PTGES3L: variants seen among roughly 807,000 people sequenced by gnomAD.
PTGES3L encodes the protein putative protein PTGES3L.
In PTGES3L, 17 loss-of-function variants were observed where a neutral mutation model predicts 25.0. That is an observed-to-expected ratio of 0.68 (90% confidence interval 0.47 to 1.02). The LOEUF (loss-of-function observed/expected upper bound fraction) is 1.02. Ranked by LOEUF, PTGES3L falls within the 50% of genes least tolerant of loss-of-function variation. PTGES3L has a pLI of 0.00. For synonymous variants in PTGES3L, 59 were observed against 65.7 expected (o/e 0.90, Z 0.50); for missense variants, 202 against 197.5 (o/e 1.02, Z -0.14).
intron 6 of PTGES3L, 139 bp from the exon 7 acceptor site, chr17:42,969,325 T>C: frequency 2.0e-6 from 1 of 489,640 alleles, no homozygotes; most frequent in Non-Finnish European, 3.7e-6. Flanking sequence ...CTTAGGGGGC[T>C]AATATGAAAG....
At chr17:42,974,853 G>C (rs2049926503) in intron 4 of PTGES3L, among the ~76,000 whole-genome samples, 2 of 151,618 alleles carry the variant, frequency 1.3e-5, no homozygotes, top group South Asian at 4.2e-4. Context: ...AAAATGTTCT[G>C]GCCGGGCGCA....
intron 5 of PTGES3L, among the ~76,000 whole-genome samples, chr17:42,971,305 C>CACACAG (rs1164505659): frequency 6.6e-6 from 1 of 151,724 alleles, no homozygotes; most frequent in African/African-American, 2.4e-5. Flanking sequence ...CACACACACA[C>CACACAG]AGAAAACAGT....
At chr17:42,978,896 A>T (rs925012854) in intron 4 of PTGES3L, among the ~76,000 whole-genome samples, 1 of 152,156 alleles carries the variant, frequency 6.6e-6, no homozygotes, top group African/African-American at 2.4e-5. Flanking sequence ...GCTACCCAGG[A>T]GGCTGAGGCA....
intron 5 of PTGES3L, among the ~76,000 whole-genome samples, chr17:42,971,221 C>T (rs1301655171): frequency 2.6e-5 from 4 of 151,584 alleles, no homozygotes; most frequent in Non-Finnish European, 5.9e-5. Flanking sequence ...TGCTTGAACC[C>T]AGAGGCAGAG....
At position 42,968,881 on chromosome 17, in the gene PTGES3L, A is replaced by G. The variant is rs2049778840; in HGVS notation, c.*267T>C. 1 of 434,310 alleles carries G rather than the reference A, an allele frequency of 2.3e-6. No homozygotes were observed. The highest frequency in any genetic ancestry group is 4.1e-6 in the Non-Finnish European group (1 of 242,494). 26.9% of individuals were successfully genotyped at this position (434,310 alleles called of 1,614,324 possible). A position where few individuals can be genotyped will look rare whatever the true frequency, so the allele number is the denominator to read the frequency against. Reference sequence around the variant, plus strand: ...ACTCAAATAATCAAGTGGCCTAAACACAGAGATTAGAAACCAATCAGTAAG... The same window carrying G: ...ACTCAAATAATCAAGTGGCCTAAACGCAGAGATTAGAAACCAATCAGTAAG... On this transcript the variant is annotated 3_prime_UTR_variant, in exon 7 of 7. Coordinates refer to ENST00000591916, the MANE Select transcript of PTGES3L (RefSeq NM_001261430.2).
chr17:42,977,080 C>T (rs915861220), intron 4 of PTGES3L, among the ~76,000 whole-genome samples: 1 of 152,058 alleles, frequency 6.6e-6, no homozygotes, highest in African/African-American at 2.4e-5. Context: ...CACCTGAGGT[C>T]TGAAGTTCGA....
chr17:42,974,317 G>A (rs1364153674), intron 4 of PTGES3L, among the ~76,000 whole-genome samples: 5 of 145,934 alleles, frequency 3.4e-5, no homozygotes, highest in African/African-American at 1.3e-4. Context: ...CTGAGATCGC[G>A]CCACTGCACC....
rs773519974 is a variant in PTGES3L at position 42,979,570 on chromosome 17, C to CTCA, written c.99_101dup (p.Ile33_Glu34insAsp). On this transcript the variant is annotated inframe_insertion, in exon 2 of 7. Coordinates refer to ENST00000591916, the MANE Select transcript of PTGES3L (RefSeq NM_001261430.2). The stretch of plus-strand genomic sequence containing the variant: ...ACTACCTGAACACAATGCGGTGATC[C>CTCA]TCAATAAGCACGTGGACATCGGTGC... 1 of 1,614,144 alleles carries CTCA rather than the reference C, an allele frequency of 6.2e-7. No individual in the cohort carries two copies. Among genetic ancestry groups the CTCA allele is most frequent in the Non-Finnish European group, 8.5e-7 (1 of 1,180,022 alleles).
chr17:42,979,691 T>C, intron 1 of PTGES3L, 28 bp from the exon 2 acceptor site: 4 of 1,608,280 alleles, frequency 2.5e-6, no homozygotes, highest in Non-Finnish European at 3.4e-6. Flanking sequence ...TGTGGCTTCA[T>C]AGGGGTGGGA....
rs2049775002 is a variant in PTGES3L at position 42,968,624 on chromosome 17, C to T, written c.*524G>A. ...GATGACAGAATTAGCTGTAAGAAATCAGAGCACAAATCTGGGCAAGAGGAA... is the reference window on the plus strand; with the variant it reads ...GATGACAGAATTAGCTGTAAGAAATTAGAGCACAAATCTGGGCAAGAGGAA... On this transcript the variant is annotated 3_prime_UTR_variant, in exon 7 of 7. Coordinates refer to ENST00000591916, the MANE Select transcript of PTGES3L (RefSeq NM_001261430.2). 1 of 152,108 alleles carries T rather than the reference C, an allele frequency of 6.6e-6. No individual in the cohort carries two copies. Among genetic ancestry groups the T allele is most frequent in the Admixed American group, 6.6e-5 (1 of 15,224 alleles). The allele number at this position is 152,108 out of a possible 1,614,324, so 9.4% of individuals were successfully genotyped here.
rs142915398 is a variant in PTGES3L, at chr17:42,971,037, G to A, written c.378+570C>T. 3.2e-3 allele frequency among the ~76,000 whole-genome samples: 479 copies of A among 151,532 alleles called. 1 individual carries two copies. The highest frequency in any genetic ancestry group is 5.4e-3 in the Non-Finnish European group (368 of 67,890). Reference sequence around the variant, plus strand: ...ACACAGGCCAGGCATGGTGACTTACGCCTGTAATCCCACCACTTGGGAGGG... The same window carrying A: ...ACACAGGCCAGGCATGGTGACTTACACCTGTAATCCCACCACTTGGGAGGG... On this transcript the variant is annotated intron_variant, in intron 5 of 6. Coordinates refer to ENST00000591916, the MANE Select transcript of PTGES3L (RefSeq NM_001261430.2).
intron 4 of PTGES3L, among the ~76,000 whole-genome samples, chr17:42,973,670 G>T (rs1168316315): frequency 6.7e-6 from 1 of 148,682 alleles, no homozygotes; most frequent in Non-Finnish European, 1.5e-5. Context: ...TCTGCCTTGG[G>T]ATCCTGTTGA....
chr17:42,973,436 G>A (rs62076386), intron 4 of PTGES3L, among the ~76,000 whole-genome samples: 106,054 of 122,840 alleles, frequency 0.86, 45,716 homozygotes, highest in East Asian at 0.94. Flanking sequence ...CTGCCCGGCC[G>A]CCCCTACTGG....
At chr17:42,975,938 G>A (rs1198855641) in intron 4 of PTGES3L, among the ~76,000 whole-genome samples, 2 of 151,944 alleles carry the variant, frequency 1.3e-5, no homozygotes, top group African/African-American at 4.8e-5. Flanking sequence ...GCCTTCCAAA[G>A]TGCTGGGATT....
intron 4 of PTGES3L, among the ~76,000 whole-genome samples, chr17:42,972,480 G>A (rs530457508): frequency 6.6e-6 from 1 of 151,714 alleles, no homozygotes; most frequent in Non-Finnish European, 1.5e-5. Flanking sequence ...TTGCAGGCAC[G>A]CACCGCCACG....
Position 42,968,170 on chromosome 17 carries a change from ATGGACAAATAGAATAGCTGT to A in PTGES3L, c.*958_*977del, listed in dbSNP as rs1208009732. On this transcript the variant is annotated 3_prime_UTR_variant, in exon 7 of 7. Coordinates refer to ENST00000591916, the MANE Select transcript of PTGES3L (RefSeq NM_001261430.2). ...ACATATTAGGCACTCAAAAAAGTTT[ATGGACAAATAGAATAGCTGT>A]TGGACAAATAAACATAGACATTAAC... is the stretch of plus-strand genomic sequence containing the variant. The A allele has an allele frequency of 2.6e-5, 4 of 152,222 alleles. No homozygotes were observed. 9.4% of individuals were successfully genotyped at this position (152,222 alleles called of 1,614,324 possible).
intron 4 of PTGES3L, among the ~76,000 whole-genome samples, chr17:42,977,692 A>AAAAGAAAGAAAG (rs57809818): frequency 1.2e-4 from 16 of 136,404 alleles, no homozygotes; most frequent in African/African-American, 4.2e-4. Context: ...AGAAAGAAAG[A>AAAAGAAAGAAAG]AAAGAAAGAA....
Position 42,980,035 on chromosome 17 carries a change from G to A in PTGES3L, c.8+11C>T. 6.5e-7 allele frequency: 1 copy of A among 1,548,896 alleles called. No homozygotes were observed. The highest frequency in any genetic ancestry group is 1.8e-4 in the Middle Eastern group (1 of 5,508). On this transcript the variant is annotated intron_variant, in intron 1 of 6. Coordinates refer to ENST00000591916, the MANE Select transcript of PTGES3L (RefSeq NM_001261430.2). ...AGGGCCAGGGGGAGCACCGGAGCCGGAAACACTCACCGTGCCATTGCGGCT... is the reference window on the plus strand; with the variant it reads ...AGGGCCAGGGGGAGCACCGGAGCCGAAAACACTCACCGTGCCATTGCGGCT...
chr17:42,978,276 A>G (rs2049999655), intron 4 of PTGES3L, among the ~76,000 whole-genome samples: 3 of 151,736 alleles, frequency 2.0e-5, no homozygotes, highest in African/African-American at 7.3e-5. Flanking sequence ...GCGTGGGGGC[A>G]CAAGCCAGTA....
Sources: allele counts gnomAD v4.1 joint callset (sites outside exome capture counted in the v4.1 genomes callset), GRCh38; gene constraint gnomAD v4.1.1; transcripts MANE v1.5; gene names NCBI Gene and HGNC (gene_info 2026-07-23, HGNC 2026-07-21).